Variants in VWDE observed in about 807,000 individuals in gnomAD.
VWDE encodes the protein von Willebrand factor D and EGF domains.
VWDE carries 207 observed loss-of-function variants against 178.4 expected under a neutral mutation model. The observed-to-expected ratio is 1.16, with a 90% confidence interval of 1.04 to 1.30. The LOEUF (loss-of-function observed/expected upper bound fraction) is 1.30, where lower values mean the gene tolerates loss of function less well. Among genes scored for constraint, VWDE ranks in the 50% most tolerant of loss-of-function variants. The pLI, the probability that VWDE is intolerant of heterozygous loss-of-function variation, is 0.00. For missense variants in VWDE, 2,287 were observed against 1,901.3 expected (o/e 1.20, Z -3.77); for synonymous variants, 738 against 651.4 (o/e 1.13, Z -2.02).
chr7:12,399,769 C>T (rs1784815022), intron 1 of VWDE, among the ~76,000 whole-genome samples: 1 of 151,928 alleles, frequency 6.6e-6, no homozygotes, highest in South Asian at 2.1e-4. Context: ...ATTGCTTAAG[C>T]CCAGGAGTTC....
chr7:12,365,168 T>C (rs1782792981), intron 13 of VWDE, among the ~76,000 whole-genome samples: 1 of 152,086 alleles, frequency 6.6e-6, no homozygotes, highest in African/African-American at 2.4e-5. Flanking sequence ...CAAAATGCAG[T>C]ATAAAATCTT....
intron 27 of VWDE, among the ~76,000 whole-genome samples, chr7:12,334,728 G>A (rs74611419): frequency 1.3e-5 from 2 of 152,162 alleles, no homozygotes; most frequent in Non-Finnish European, 2.9e-5. Flanking sequence ...ACAGCTTCAG[G>A]CTGTGCTCAG....
chr7:12,337,109 G>C, intron 25 of VWDE, 26 bp from the exon 26 acceptor site: 1 of 1,551,214 alleles, frequency 6.4e-7, no homozygotes, highest in Non-Finnish European at 8.7e-7. Flanking sequence ...TGAAAAGTCA[G>C]CCCTTAAATT....
rs1240375733 is a variant in VWDE, at chr7:12,357,401, G to A, written c.3389C>T (p.Thr1130Met). The A allele has an allele frequency of 1.1e-5, 17 of 1,551,834 alleles. No individual in the cohort carries two copies. Among genetic ancestry groups the A allele is most frequent in the Admixed American group, 7.8e-5 (4 of 50,984 alleles). ...TGCCCCTTCAGGACCAGAGTCCAACGTAAAATGGATGTCAGAACCTTCTGG... is the reference window on the plus strand; with the variant it reads ...TGCCCCTTCAGGACCAGAGTCCAACATAAAATGGATGTCAGAACCTTCTGG... The part of the protein sequence containing the change: ...FDPEGSDIHF[T>M]LDSGPEGASV... Residue 1130 changes from threonine to methionine, a missense_variant, in exon 17 of 29, where the codon ACG (threonine) becomes ATG (methionine). Transcript: ENST00000275358.
chr7:12,382,395 G>GCTTA (rs1452714827), intron 4 of VWDE, among the ~76,000 whole-genome samples: 6 of 151,272 alleles, frequency 4.0e-5, no homozygotes, highest in Non-Finnish European at 8.9e-5. Context: ...AAATCACAGG[G>GCTTA]CTTAATTAAA....
chr7:12,334,530 A>G (rs1269333894), intron 27 of VWDE, among the ~76,000 whole-genome samples: 1 of 152,232 alleles, frequency 6.6e-6, no homozygotes, highest in Non-Finnish European at 1.5e-5. Context: ...AGAAAGCACC[A>G]TTCACATGAT....
At position 12,375,273 on chromosome 7, in the gene VWDE, T is replaced by C. The variant is rs1219837516; in HGVS notation, c.1025-46A>G. ...TTTAAAAATTTCCAAGAGAATATAC[T>C]AACCAAAGCATGTAATAAATTAATT... is the stretch of plus-strand genomic sequence containing the variant. On this transcript the variant is annotated intron_variant, in intron 7 of 28. Transcript: ENST00000275358. 5 of 1,280,896 alleles carry C rather than the reference T, an allele frequency of 3.9e-6. No individual in the cohort carries two copies. In the African/African-American group the frequency reaches 7.5e-5, roughly 19 times the overall value. The allele number at this position is 1,280,896 out of a possible 1,614,324, so 79.3% of individuals were successfully genotyped here. A position where few individuals can be genotyped will look rare whatever the true frequency, so the allele number is the denominator to read the frequency against.
At chr7:12,395,153 T>C (rs569847646) in intron 1 of VWDE, among the ~76,000 whole-genome samples, 12 of 152,118 alleles carry the variant, frequency 7.9e-5, no homozygotes, top group Non-Finnish European at 1.6e-4. Context: ...TCTTCCATAG[T>C]TGTTAACTTC....
At chr7:12,364,426 C>T (rs1373087274) in intron 13 of VWDE, among the ~76,000 whole-genome samples, 2 of 151,946 alleles carry the variant, frequency 1.3e-5, no homozygotes, top group African/African-American at 4.8e-5. Context: ...CATATGATGC[C>T]AGAATGTGAT....
rs2128557734 is a variant in VWDE at position 12,378,145 on chromosome 7, G to C, written c.880-225C>G. On this transcript the variant is annotated intron_variant, in intron 6 of 28. Coordinates refer to ENST00000275358, the MANE Select transcript of VWDE (RefSeq NM_001135924.3). ...TACTGCTCTGAGTTTGACTCACTTT[G>C]GTTCCCCAACACATTTGGCAAATCA... is the stretch of plus-strand genomic sequence containing the variant. Among the ~76,000 whole-genome samples, 4 of 152,190 alleles carry C rather than the reference G, an allele frequency of 2.6e-5. No homozygotes were observed. The South Asian group carries it at 8.3e-4, about 32-fold the overall frequency.
At chr7:12,347,884 C>G (rs968151897) in intron 19 of VWDE, among the ~76,000 whole-genome samples, 1 of 152,010 alleles carries the variant, frequency 6.6e-6, no homozygotes, top group African/African-American at 2.4e-5. Flanking sequence ...AGATATAGAT[C>G]AATAGAACAG....
intron 24 of VWDE, 29 bp downstream of exon 24, chr7:12,340,293 C>T (rs1182851871): frequency 6.6e-7 from 1 of 1,512,706 alleles, no homozygotes; most frequent in Admixed American, 2.0e-5. Context: ...TCCATTTGCC[C>T]TTTTTACATA....
chr7:12,337,753 A>T (rs73292368), intron 24 of VWDE, among the ~76,000 whole-genome samples: 2,841 of 152,268 alleles, frequency 0.019, 83 homozygotes, highest in African/African-American at 0.064. Context: ...CTTATTCCAG[A>T]GAATGCTTGG....
intron 27 of VWDE, among the ~76,000 whole-genome samples, chr7:12,334,421 T>C (rs1461274697): frequency 6.7e-6 from 1 of 149,532 alleles, no homozygotes; most frequent in African/African-American, 2.5e-5. Flanking sequence ...TCAAGAATAA[T>C]TTGTCCTTTA....
chr7:12,403,718 G>A lies in VWDE; in HGVS notation c.-2C>T, dbSNP rs1354423918. On this transcript the variant is annotated 5_prime_UTR_variant, in exon 1 of 29. Coordinates refer to ENST00000275358, the MANE Select transcript of VWDE (RefSeq NM_001135924.3). ...CAGCACGCAGGCTCCGCCAGGCATC[G>A]CTGCTTCCGCAGGTGGGGCGAAAGG... 1.3e-6 allele frequency: 2 copies of A among 1,549,838 alleles called. No individual in the cohort carries two copies. Among genetic ancestry groups the A allele is most frequent in the African/African-American group, 2.7e-5 (2 of 73,046 alleles).
chr7:12,394,984 T>A (rs1405793019), intron 1 of VWDE, among the ~76,000 whole-genome samples: 1 of 152,162 alleles, frequency 6.6e-6, no homozygotes, highest in Non-Finnish European at 1.5e-5. Flanking sequence ...AAATAAGTCA[T>A]TATAATTAGA....
At chr7:12,393,938 A>C (rs1211894401) in intron 1 of VWDE, among the ~76,000 whole-genome samples, 160 bp from the exon 2 acceptor site, 1 of 152,190 alleles carries the variant, frequency 6.6e-6, no homozygotes, top group Non-Finnish European at 1.5e-5. Flanking sequence ...GTAAGTCATA[A>C]ATGACTTAAC....
chr7:12,366,290 GT>G (rs1237635996), intron 13 of VWDE, among the ~76,000 whole-genome samples: 49 of 152,188 alleles, frequency 3.2e-4, no homozygotes, highest in African/African-American at 1.1e-3. Flanking sequence ...TTTATCAGAA[GT>G]TTGCAGGAAG....
At chr7:12,374,221 C>A (rs111816113) in intron 9 of VWDE, among the ~76,000 whole-genome samples, 5 of 151,996 alleles carry the variant, frequency 3.3e-5, no homozygotes, top group African/African-American at 1.2e-4. Context: ...ATTCCAGAGG[C>A]AAATATCCAG....
Sources: allele counts gnomAD v4.1 joint callset (sites outside exome capture counted in the v4.1 genomes callset), GRCh38; gene constraint gnomAD v4.1.1; transcripts MANE v1.5; gene names NCBI Gene and HGNC (gene_info 2026-07-23, HGNC 2026-07-21).